ELP3: variants seen among roughly 807,000 people sequenced by gnomAD.
ELP3 encodes the protein elongator acetyltransferase complex subunit 3.
Under a neutral mutation model 74.9 loss-of-function variants are expected in ELP3, and 56 were observed. That is an observed-to-expected ratio of 0.75 (90% CI 0.60 to 0.93). ELP3 has a LOEUF of 0.93. Ranked by LOEUF, ELP3 falls within the 40% of genes least tolerant of loss-of-function variation. The pLI is 0.00. For synonymous variants in ELP3, 222 were observed against 239.8 expected, an observed-to-expected ratio of 0.93 and a Z score of 0.68; for missense variants, 573 against 686.5, an observed-to-expected ratio of 0.83 and a Z score of 1.85.
chr8:28,150,614 T>TC (rs990883909), intron 10 of ELP3, among the ~76,000 whole-genome samples: 8 of 152,050 alleles, frequency 5.3e-5, no homozygotes, highest in Non-Finnish European at 8.8e-5. Context: ...GTAAGGTGTT[T>TC]CCCCCCCTCC....
chr8:28,104,696 A>G (rs7832075), intron 3 of ELP3, among the ~76,000 whole-genome samples: 89,534 of 152,130 alleles, frequency 0.59, 28,425 homozygotes, highest in East Asian at 0.9. Flanking sequence ...TCATAGAAGC[A>G]GCACTACGTT....
At chr8:28,182,282 C>G (rs192079542) in intron 14 of ELP3, among the ~76,000 whole-genome samples, 1 of 152,096 alleles carries the variant, frequency 6.6e-6, no homozygotes, top group South Asian at 2.1e-4. Flanking sequence ...GGTTTGCGGC[C>G]GGGCACAGTG....
chr8:28,103,834 A>G (rs1034989520), intron 3 of ELP3, among the ~76,000 whole-genome samples: 9 of 152,210 alleles, frequency 5.9e-5, no homozygotes, highest in South Asian at 2.1e-4. Context: ...GGTTCAAGCT[A>G]TCCTCCCACC....
chr8:28,093,469 T>C, intron 1 of ELP3: 1 of 593,862 alleles, frequency 1.7e-6, no homozygotes, highest in Non-Finnish European at 3.0e-6. Context: ...GTGTCTTGTT[T>C]GAATGGCAGG....
intron 10 of ELP3, 120 bp downstream of exon 10, chr8:28,138,011 T>C (rs981332398): frequency 4.4e-6 from 4 of 904,404 alleles, no homozygotes; most frequent in Admixed American, 3.5e-5. Flanking sequence ...ATAAGATAAC[T>C]GGAATGCTAT....
At chr8:28,111,608 C>A (rs180829497) in intron 6 of ELP3, among the ~76,000 whole-genome samples, 2 of 152,242 alleles carry the variant, frequency 1.3e-5, no homozygotes, top group African/African-American at 4.8e-5. Flanking sequence ...CTGGGGGAGC[C>A]CACATTTTTC....
chr8:28,105,890 G>C (rs1359188414), intron 3 of ELP3, among the ~76,000 whole-genome samples: 1 of 152,186 alleles, frequency 6.6e-6, no homozygotes, highest in Admixed American at 6.5e-5. Context: ...CTGAGGCTCT[G>C]TCAGACCCCT....
chr8:28,173,578 C>A (rs903063168), intron 14 of ELP3, among the ~76,000 whole-genome samples: 3 of 147,394 alleles, frequency 2.0e-5, no homozygotes, highest in Non-Finnish European at 4.5e-5. Context: ...TCTCTATCTT[C>A]ACTCTAATCT....
chr8:28,116,064 A>G (rs1449182998), intron 7 of ELP3, among the ~76,000 whole-genome samples: 2 of 152,226 alleles, frequency 1.3e-5, no homozygotes, highest in African/African-American at 4.8e-5. Context: ...AAATGCGTGA[A>G]TGAATTTTGA....
At chr8:28,150,689 A>AT (rs1813608190) in intron 10 of ELP3, among the ~76,000 whole-genome samples, 1 of 151,832 alleles carries the variant, frequency 6.6e-6, no homozygotes, top group African/African-American at 2.4e-5. Flanking sequence ...AAATGCCTAC[A>AT]TGTAGGTTTT....
chr8:28,130,532 A>G (rs989476508), intron 8 of ELP3, among the ~76,000 whole-genome samples: 3 of 152,216 alleles, frequency 2.0e-5, no homozygotes, highest in South Asian at 2.1e-4. Context: ...ATTTTTTAGC[A>G]TGGGGAAGAA....
At chr8:28,183,964 G>A (rs533196036) in intron 14 of ELP3, among the ~76,000 whole-genome samples, 21 of 152,320 alleles carry the variant, frequency 1.4e-4, no homozygotes, top group Admixed American at 3.3e-4. Context: ...GGTGGCTGAC[G>A]TCAGCTCTGA....
chr8:28,188,291 T>TC lies in ELP3; in HGVS notation c.1568-1357dup, dbSNP rs758036377. Reference sequence around the variant, plus strand: ...AGACATCATAAAAAATATAATTTGGTCTCTGTTCCTGGTTCCTGACATAGA... The same window carrying TC: ...AGACATCATAAAAAATATAATTTGGTCCTCTGTTCCTGGTTCCTGACATAGA... On this transcript the variant is annotated intron_variant, in intron 14 of 14. Coordinates refer to ENST00000256398, the MANE Select transcript of ELP3 (RefSeq NM_018091.6). Among the ~76,000 whole-genome samples, 292 of 152,262 alleles carry TC rather than the reference T, an allele frequency of 1.9e-3. 1 individual carries two copies. The highest frequency in any genetic ancestry group is 3.1e-3 in the Admixed American group (48 of 15,302).
At chr8:28,094,537 G>C (rs1454904647) in intron 1 of ELP3, among the ~76,000 whole-genome samples, 1 of 152,194 alleles carries the variant, frequency 6.6e-6, no homozygotes, top group Non-Finnish European at 1.5e-5. Context: ...TGACCAACGT[G>C]GTGAAACCCT....
chr8:28,184,041 G>A (rs148359961), intron 14 of ELP3, among the ~76,000 whole-genome samples: 10 of 152,350 alleles, frequency 6.6e-5, no homozygotes, highest in African/African-American at 2.2e-4. Flanking sequence ...CTTTCTGGGA[G>A]CCCTGCTGAG....
Position 28,093,177 on chromosome 8 carries a change from A to AT in ELP3, c.-33dup. The stretch of plus-strand genomic sequence containing the variant: ...CCCCGTGGTCTGAGTTTGTGGCTGC[A>AT]TTTTTATCTCTGGTGGCTCTGCTAC... On this transcript the variant is annotated 5_prime_UTR_variant, in exon 1 of 15. Coordinates refer to ENST00000256398, the MANE Select transcript of ELP3 (RefSeq NM_018091.6). 1 of 1,610,212 alleles carries AT rather than the reference A, an allele frequency of 6.2e-7. No homozygotes were observed. The highest frequency in any genetic ancestry group is 8.5e-7 in the Non-Finnish European group (1 of 1,179,154).
At chr8:28,114,459 A>G (rs1812042521) in intron 7 of ELP3, among the ~76,000 whole-genome samples, 1 of 152,162 alleles carries the variant, frequency 6.6e-6, no homozygotes, top group African/African-American at 2.4e-5. Flanking sequence ...GAAGCTTCCA[A>G]TCATGGTGGA....
At chr8:28,155,845 T>A (rs574773860) in intron 10 of ELP3, 97 bp from the exon 11 acceptor site, 13 of 1,061,380 alleles carry the variant, frequency 1.2e-5, no homozygotes, top group Middle Eastern at 2.5e-4. Context: ...TTTGCTTTTT[T>A]ATTTTTGTTC....
intron 14 of ELP3, among the ~76,000 whole-genome samples, chr8:28,163,998 CA>C (rs1195879518): frequency 1.3e-5 from 2 of 152,200 alleles, no homozygotes; most frequent in African/African-American, 4.8e-5. Flanking sequence ...GAGATAACGA[CA>C]ACGCTCTGTG....
Sources: gnomAD v4.1 joint callset for allele counts (sites outside exome capture counted in the v4.1 genomes callset) on GRCh38, gnomAD v4.1.1 for gene constraint, MANE v1.5 for transcripts, NCBI Gene and HGNC (gene_info 2026-07-23, HGNC 2026-07-21) for gene names.